TRAF3: variants seen among roughly 807,000 people sequenced by gnomAD.
TRAF3 encodes the protein TNF receptor-associated factor 3.
A neutral mutation model predicts 62.3 loss-of-function variants in TRAF3; 13 were observed. The observed-to-expected ratio is 0.21, with a 90% CI of 0.14 to 0.33. The LOEUF (loss-of-function observed/expected upper bound fraction) is 0.33. Among genes scored for constraint, TRAF3 ranks in the 10% least tolerant of loss-of-function variants. The pLI is 1.00. For missense variants in TRAF3, 440 were observed against 741.8 expected (o/e 0.59, Z 4.73); for synonymous variants, 269 against 283.4 (o/e 0.95, Z 0.51).
chr14:102,885,860 G>A (rs1282514471), intron 6 of TRAF3, among the ~76,000 whole-genome samples: 1 of 152,168 alleles, frequency 6.6e-6, no homozygotes, highest in Non-Finnish European at 1.5e-5. Context: ...AGCATTGCAC[G>A]ATAGGGGCTG....
intron 1 of TRAF3, among the ~76,000 whole-genome samples, chr14:102,818,089 C>G (rs866490238): frequency 6.6e-6 from 1 of 152,172 alleles, no homozygotes; most frequent in Non-Finnish European, 1.5e-5. Flanking sequence ...CAGGCAGGGC[C>G]TACTAGGCTT....
Position 102,905,886 on chromosome 14 carries a change from A to G in TRAF3, c.*102A>G. 1 of 1,114,744 alleles carries G rather than the reference A, an allele frequency of 9.0e-7. No individual in the cohort carries two copies. The highest frequency in any genetic ancestry group is 1.5e-5 in the South Asian group (1 of 65,832). 69.1% of individuals were successfully genotyped at this position (1,114,744 alleles called of 1,614,324 possible). ...CTCGCGCTCAGAAAAGGACCTTGTG[A>G]GACGGAGGAAGCGGCAGAAGGCGGA... On this transcript the variant is annotated 3_prime_UTR_variant, in exon 12 of 12. Coordinates refer to ENST00000392745, the MANE Select transcript of TRAF3 (RefSeq NM_145725.3).
At chr14:102,795,716 C>T (rs1435076146) in intron 1 of TRAF3, among the ~76,000 whole-genome samples, 1 of 151,822 alleles carries the variant, frequency 6.6e-6, no homozygotes, top group African/African-American at 2.4e-5. Flanking sequence ...TTTCAGCTGC[C>T]CAAGGCAGGA....
intron 2 of TRAF3, among the ~76,000 whole-genome samples, chr14:102,842,200 C>A (rs963928038): frequency 2.6e-5 from 4 of 151,434 alleles, no homozygotes; most frequent in African/African-American, 9.7e-5. Flanking sequence ...GCCGAGATCA[C>A]ACCACTGCAC....
chr14:102,831,672 G>A (rs570912394), intron 2 of TRAF3, among the ~76,000 whole-genome samples: 30 of 152,082 alleles, frequency 2.0e-4, no homozygotes, highest in Non-Finnish European at 4.0e-4. Context: ...CATGGGTCCC[G>A]TTGCCCAGAA....
In TRAF3 at chr14:102,908,487, C is replaced by T. The variant is rs1330070275; in HGVS notation, c.*2703C>T. On this transcript the variant is annotated 3_prime_UTR_variant, in exon 12 of 12. Coordinates refer to ENST00000392745, the MANE Select transcript of TRAF3 (RefSeq NM_145725.3). ...CGGGCAAGCCTTGCGCTGCTCCACC[C>T]TCGGCCTGGGCACCCTCACTTGGCG... The T allele has an allele frequency of 2.0e-5, 3 of 152,376 alleles. No individual in the cohort carries two copies. Among genetic ancestry groups the T allele is most frequent in the Non-Finnish European group, 4.4e-5 (3 of 68,230 alleles). The allele number at this position is 152,376 out of a possible 1,614,324, so 9.4% of individuals were successfully genotyped here.
Position 102,908,535 on chromosome 14 carries a change from G to A in TRAF3, c.*2751G>A, listed in dbSNP as rs1303391281. 1 of 152,288 alleles carries A rather than the reference G, an allele frequency of 6.6e-6. No homozygotes were observed. Among genetic ancestry groups the A allele is most frequent in the African/African-American group, 2.4e-5 (1 of 41,432 alleles). 9.4% of individuals were successfully genotyped at this position (152,288 alleles called of 1,614,324 possible). On this transcript the variant is annotated 3_prime_UTR_variant, in exon 12 of 12. Transcript: ENST00000392745. Reference sequence around the variant, plus strand: ...GCGCTGGCCACCTGGGCCAGCCTGGGGCCATGGTCTCTCTGCAGCTGAGGC... The same window carrying A: ...GCGCTGGCCACCTGGGCCAGCCTGGAGCCATGGTCTCTCTGCAGCTGAGGC...
chr14:102,844,314 T>A (rs1886562828), intron 2 of TRAF3, among the ~76,000 whole-genome samples: 1 of 152,216 alleles, frequency 6.6e-6, no homozygotes, highest in Admixed American at 6.5e-5. Context: ...ATCATCTGAT[T>A]GAAAAACCTA....
At chr14:102,857,506 A>G (rs1887440366) in intron 2 of TRAF3, among the ~76,000 whole-genome samples, 3 of 152,252 alleles carry the variant, frequency 2.0e-5, no homozygotes, top group South Asian at 2.1e-4. Flanking sequence ...GGAAGCTTAG[A>G]TAAGACTTTT....
chr14:102,867,357 C>T (rs927225958), intron 2 of TRAF3, among the ~76,000 whole-genome samples: 1 of 152,162 alleles, frequency 6.6e-6, no homozygotes, highest in Non-Finnish European at 1.5e-5. Context: ...CAAAAATAGG[C>T]TGCTGGCTGG....
intron 1 of TRAF3, among the ~76,000 whole-genome samples, chr14:102,792,029 A>C (rs1675413905): frequency 6.7e-6 from 1 of 149,792 alleles, no homozygotes; most frequent in Admixed American, 6.7e-5. Flanking sequence ...CATGTTGCCC[A>C]GGCTAGTCCC....
intron 2 of TRAF3, among the ~76,000 whole-genome samples, chr14:102,867,228 C>T (rs933272920): frequency 2.6e-5 from 4 of 152,218 alleles, no homozygotes; most frequent in African/African-American, 9.7e-5. Flanking sequence ...GACTGGTAAA[C>T]TCTTTCTGTT....
chr14:102,875,736 G>A lies in TRAF3; in HGVS notation c.402+8G>A, dbSNP rs777175761. On this transcript the variant is annotated splice_region_variant and intron_variant, in intron 5 of 11. Coordinates refer to ENST00000392745, the MANE Select transcript of TRAF3 (RefSeq NM_145725.3). Reference sequence around the variant, plus strand: ...ATGCTGGGACATCTGCTGGTGAGTAGCAAAGGGACACTGGAACCTTTTACA... The same window carrying A: ...ATGCTGGGACATCTGCTGGTGAGTAACAAAGGGACACTGGAACCTTTTACA... 6.2e-7 allele frequency: 1 copy of A among 1,610,702 alleles called. No homozygotes were observed. The highest frequency in any genetic ancestry group is 1.1e-5 in the South Asian group (1 of 91,006).
intron 1 of TRAF3, among the ~76,000 whole-genome samples, chr14:102,800,901 G>A (rs371659346): frequency 5.3e-5 from 8 of 152,140 alleles, no homozygotes; most frequent in Admixed American, 2.6e-4. Flanking sequence ...GGTTCTGGCC[G>A]GGCGCGGTGG....
chr14:102,901,180 T>C (rs2139993308), intron 10 of TRAF3, among the ~76,000 whole-genome samples: 1 of 152,248 alleles, frequency 6.6e-6, no homozygotes, highest in South Asian at 2.1e-4. Context: ...GGGGGAGTCC[T>C]TGCTGGAGAC....
intron 1 of TRAF3, among the ~76,000 whole-genome samples, chr14:102,781,272 C>A (rs1897264064): frequency 6.6e-6 from 1 of 152,168 alleles, no homozygotes; most frequent in African/African-American, 2.4e-5. Flanking sequence ...TGCTGCTGGT[C>A]ATTGGGTTTC....
intron 2 of TRAF3, among the ~76,000 whole-genome samples, chr14:102,859,085 A>C (rs1173708253): frequency 6.6e-6 from 1 of 152,284 alleles, no homozygotes; most frequent in African/African-American, 2.4e-5. Context: ...GTATGTTCAC[A>C]CACAGAATTT....
chr14:102,876,358 G>A lies in TRAF3; in HGVS notation c.403G>A (p.Val135Met), dbSNP rs1159452075. The change falls in exon 6 of 12, where the codon GTG becomes ATG. Residue 135 changes from valine to methionine, a missense_variant and splice_region_variant. Transcript: ENST00000392745. ...GAACATTGAATGGTCTGTCTTACAG[G>A]TGCATTTAAAAAATGATTGCCATTT... ...AEQLMLGHLL[V>M]HLKNDCHFEE... is the part of the protein sequence containing the mutation. 1.2e-6 allele frequency: 2 copies of A among 1,614,074 alleles called. No individual in the cohort carries two copies. Among genetic ancestry groups the A allele is most frequent in the Admixed American group, 1.7e-5 (1 of 60,032 alleles).
intron 2 of TRAF3, among the ~76,000 whole-genome samples, chr14:102,845,953 C>T (rs183483636): frequency 1.5e-3 from 197 of 134,916 alleles, no homozygotes; most frequent in Non-Finnish European, 2.3e-3. Context: ...TGCACTCTAG[C>T]CTGGGTGACA....
Sources: allele counts gnomAD v4.1 joint callset (sites outside exome capture counted in the v4.1 genomes callset), GRCh38; gene constraint gnomAD v4.1.1; transcripts MANE v1.5; gene names NCBI Gene and HGNC (gene_info 2026-07-23, HGNC 2026-07-21).